ELOVL6: variants seen among roughly 807,000 people sequenced by gnomAD.
The protein encoded by ELOVL6 is ELOVL fatty acid elongase 6.
In ELOVL6, 8 loss-of-function variants were observed where a neutral mutation model predicts 31.7. The ratio of observed to expected loss-of-function variants is 0.25; its 90% CI spans 0.15 to 0.45. The LOEUF is 0.45. Among genes scored for constraint, ELOVL6 ranks in the 20% least tolerant of loss-of-function variants. ELOVL6 has a pLI of 1.00. For missense variants in ELOVL6, 126 were observed against 326.4 expected, an observed-to-expected ratio of 0.39 and a Z score of 4.73; for synonymous variants, 101 against 117.7, an observed-to-expected ratio of 0.86 and a Z score of 0.92.
At chr4:110,120,997 C>T (rs1468278388) in intron 1 of ELOVL6, among the ~76,000 whole-genome samples, 5 of 151,904 alleles carry the variant, frequency 3.3e-5, no homozygotes, top group East Asian at 3.9e-4. Flanking sequence ...GACAGGGCTT[C>T]GCCACGTTGG....
At chr4:110,102,744 CTT>C (rs1481480841) in intron 2 of ELOVL6, among the ~76,000 whole-genome samples, 1 of 151,716 alleles carries the variant, frequency 6.6e-6, no homozygotes, top group Non-Finnish European at 1.5e-5. Context: ...TTTTTAAAGA[CTT>C]AAATATAAGA....
At chr4:110,084,260 G>A (rs115711593) in intron 2 of ELOVL6, among the ~76,000 whole-genome samples, 40,481 of 83,406 alleles carry the variant, frequency 0.49, 11,937 homozygotes, top group African/African-American at 0.74. Flanking sequence ...ATAACATATA[G>A]CTTATATGTG....
At chr4:110,065,606 A>AGAGT (rs1160347314) in intron 2 of ELOVL6, among the ~76,000 whole-genome samples, 2 of 152,226 alleles carry the variant, frequency 1.3e-5, no homozygotes, top group Non-Finnish European at 2.9e-5. Context: ...CCTGGGTGAC[A>AGAGT]GAGTGAGACC....
At chr4:110,116,457 T>C (rs1757171196) in intron 1 of ELOVL6, among the ~76,000 whole-genome samples, 1 of 152,228 alleles carries the variant, frequency 6.6e-6, no homozygotes, top group African/African-American at 2.4e-5. Context: ...AAGCAACTCA[T>C]TAACATGTGA....
At chr4:110,151,264 T>C (rs1214769951) in intron 1 of ELOVL6, among the ~76,000 whole-genome samples, 2 of 151,888 alleles carry the variant, frequency 1.3e-5, no homozygotes, top group African/African-American at 2.4e-5. Flanking sequence ...CATAATGAGA[T>C]ATCTTAGGGA....
chr4:110,064,357 G>A (rs1248152263), intron 2 of ELOVL6, among the ~76,000 whole-genome samples: 1 of 119,118 alleles, frequency 8.4e-6, no homozygotes, highest in Non-Finnish European at 1.6e-5. Flanking sequence ...GCCATGGGAT[G>A]TCAGGAGGGG....
chr4:110,147,041 T>C (rs896792452), intron 1 of ELOVL6: 7 of 145,050 alleles, frequency 4.8e-5, no homozygotes, highest in African/African-American at 1.8e-4. Context: ...GGGTGTAGAT[T>C]CTCTGGTCAT....
intron 1 of ELOVL6, among the ~76,000 whole-genome samples, chr4:110,115,570 C>A (rs1757146781): frequency 6.6e-6 from 1 of 152,080 alleles, no homozygotes; most frequent in Non-Finnish European, 1.5e-5. Context: ...ATGGTGAGAA[C>A]CTGTCTCTAC....
chr4:110,063,539 T>C (rs1247463228), intron 2 of ELOVL6, among the ~76,000 whole-genome samples: 2 of 151,484 alleles, frequency 1.3e-5, no homozygotes, highest in Non-Finnish European at 2.9e-5. Flanking sequence ...TACGACAGGA[T>C]GTGAAATGAG....
intron 2 of ELOVL6, among the ~76,000 whole-genome samples, chr4:110,090,600 C>CTTTTTCGTTTTTTTTTT (rs1756392253): frequency 9.6e-6 from 1 of 103,714 alleles, no homozygotes; most frequent in Non-Finnish European, 1.8e-5. Flanking sequence ...GTTTGACTTT[C>CTTTTTCGTTTTTTTTTT]TTTTTTTTTT....
intron 1 of ELOVL6, among the ~76,000 whole-genome samples, chr4:110,193,827 C>G (rs1237517682): frequency 6.6e-6 from 1 of 152,076 alleles, no homozygotes; most frequent in Non-Finnish European, 1.5e-5. Context: ...ATATATAAAG[C>G]TTTGAAAGGC....
At chr4:110,196,732 C>A (rs1467904718) in intron 1 of ELOVL6, among the ~76,000 whole-genome samples, 1 of 152,088 alleles carries the variant, frequency 6.6e-6, no homozygotes, top group Non-Finnish European at 1.5e-5. Context: ...TAGCCCACCG[C>A]CGCCACCAGC....
intron 1 of ELOVL6, among the ~76,000 whole-genome samples, chr4:110,161,240 A>G (rs180868357): frequency 2.1e-3 from 313 of 152,346 alleles, no homozygotes; most frequent in South Asian, 3.7e-3. Context: ...GTATGTATAA[A>G]ATATCTTCAA....
chr4:110,087,626 G>T (rs1560817478), intron 2 of ELOVL6, among the ~76,000 whole-genome samples: 2 of 152,104 alleles, frequency 1.3e-5, no homozygotes, highest in African/African-American at 2.4e-5. Flanking sequence ...AAAAATACTG[G>T]AATGAGTTTT....
At chr4:110,162,420 A>C (rs1295860728) in intron 1 of ELOVL6, among the ~76,000 whole-genome samples, 1 of 152,068 alleles carries the variant, frequency 6.6e-6, no homozygotes, top group African/African-American at 2.4e-5. Context: ...ATCACAGCTC[A>C]CTGTAGCCTT....
intron 1 of ELOVL6, among the ~76,000 whole-genome samples, chr4:110,110,841 G>T (rs1350148860): frequency 6.6e-6 from 1 of 152,246 alleles, no homozygotes; most frequent in African/African-American, 2.4e-5. Context: ...TAAGGTAAAG[G>T]TTCCTTATTC....
intron 1 of ELOVL6, among the ~76,000 whole-genome samples, chr4:110,173,198 G>A (rs1328747818): frequency 6.6e-6 from 1 of 152,188 alleles, no homozygotes; most frequent in Non-Finnish European, 1.5e-5. Flanking sequence ...ACTTAGTCAA[G>A]CATGAGAACA....
chr4:110,084,099 T>TGTG (rs1172501380), intron 2 of ELOVL6, among the ~76,000 whole-genome samples: 6 of 95,312 alleles, frequency 6.3e-5, no homozygotes, highest in East Asian at 5.4e-4. Flanking sequence ...ATAACATATA[T>TGTG]ATGATATATA....
chr4:110,071,419 GT>G (rs1372792056), intron 2 of ELOVL6, among the ~76,000 whole-genome samples: 2 of 152,076 alleles, frequency 1.3e-5, no homozygotes, highest in Non-Finnish European at 2.9e-5. Context: ...AAAGAGCTTT[GT>G]TTTTTTCTTT....
Sources: allele counts gnomAD v4.1 joint callset (sites outside exome capture counted in the v4.1 genomes callset), GRCh38; gene constraint gnomAD v4.1.1; transcripts MANE v1.5; gene names NCBI Gene and HGNC (gene_info 2026-07-23, HGNC 2026-07-21).